The following TNFRSF13B variants were observed in gnomAD, a reference collection of about 807,000 sequenced individuals.
TNFRSF13B encodes the protein TNF receptor superfamily member 13B.
In TNFRSF13B, 34 loss-of-function variants were observed where a neutral mutation model predicts 24.0. That is an observed-to-expected ratio of 1.41 (90% CI 1.08 to 1.88). TNFRSF13B has a LOEUF of 1.88. Ranked by LOEUF, TNFRSF13B falls within the 40% of genes most tolerant of loss-of-function variation. The probability of loss-of-function intolerance (pLI) is 0.00; values close to 1 mark genes in which losing one functional copy is unlikely to be tolerated. For synonymous variants in TNFRSF13B, 173 were observed against 150.3 expected (o/e 1.15, Z -1.10); for missense variants, 415 against 380.8 (o/e 1.09, Z -0.75).
chr17:16,956,517 G>A (rs760558528), intron 1 of TNFRSF13B, among the ~76,000 whole-genome samples: 1 of 152,182 alleles, frequency 6.6e-6, no homozygotes, highest in Non-Finnish European at 1.5e-5. Context: ...AACCGACAGA[G>A]AACTAAAGGA....
chr17:16,970,838 A>G (rs1421716363), intron 1 of TNFRSF13B, among the ~76,000 whole-genome samples: 3 of 152,166 alleles, frequency 2.0e-5, no homozygotes, highest in Non-Finnish European at 4.4e-5. Flanking sequence ...GAAACTTTAC[A>G]TATTTGAGCC....
chr17:16,945,528 G>C (rs1471595516), intron 3 of TNFRSF13B, among the ~76,000 whole-genome samples: 1 of 152,224 alleles, frequency 6.6e-6, no homozygotes, highest in African/African-American at 2.4e-5. Context: ...CTAGATCTGT[G>C]AGGTGGCTAG....
intron 1 of TNFRSF13B, among the ~76,000 whole-genome samples, chr17:16,969,087 T>A (rs921360553): frequency 6.6e-6 from 1 of 152,240 alleles, no homozygotes; most frequent in African/African-American, 2.4e-5. Flanking sequence ...GGAACCCTCA[T>A]GCATGAAGTG....
At chr17:16,945,360 A>G (rs767191079) in intron 3 of TNFRSF13B, among the ~76,000 whole-genome samples, 11 of 152,140 alleles carry the variant, frequency 7.2e-5, no homozygotes, top group Non-Finnish European at 1.3e-4. Flanking sequence ...GCAACAGTTC[A>G]CCGCCAAGGA....
At chr17:16,940,593 C>A in intron 3 of TNFRSF13B, 82 bp from the exon 4 acceptor site, 3 of 1,548,238 alleles carry the variant, frequency 1.9e-6, no homozygotes, top group South Asian at 2.4e-5. Flanking sequence ...ATCCCCCCAT[C>A]CCCCTGCTGT....
chr17:16,962,567 T>C (rs986998386), intron 1 of TNFRSF13B, among the ~76,000 whole-genome samples: 1 of 151,458 alleles, frequency 6.6e-6, no homozygotes, highest in Non-Finnish European at 1.5e-5. Flanking sequence ...TCATAGGACA[T>C]GTACAGCAGC....
At chr17:16,946,703 T>C (rs916834925) in intron 3 of TNFRSF13B, among the ~76,000 whole-genome samples, 30 of 152,138 alleles carry the variant, frequency 2.0e-4, no homozygotes, top group African/African-American at 7.2e-4. Flanking sequence ...TTCTCCTGCC[T>C]CAGCCTCCCA....
intron 4 of TNFRSF13B, 55 bp downstream of exon 4, chr17:16,940,271 G>A (rs558214897): frequency 5.0e-6 from 8 of 1,611,694 alleles, no homozygotes; most frequent in African/African-American, 4.0e-5. Context: ...GGGATGGCCC[G>A]AGGCTTGTCA....
chr17:16,957,420 T>C (rs1597665021), intron 1 of TNFRSF13B, among the ~76,000 whole-genome samples: 1 of 151,690 alleles, frequency 6.6e-6, no homozygotes, highest in South Asian at 2.1e-4. Flanking sequence ...AGGGACAAAA[T>C]GGCAGAAAAA....
intron 3 of TNFRSF13B, chr17:16,941,282 C>G (rs1465235835): frequency 1.0e-6 from 1 of 987,678 alleles, no homozygotes; most frequent in African/African-American, 1.7e-5. Context: ...GGCGACGTTA[C>G]ACTGAGACCA....
At chr17:16,947,830 A>G (rs1315000764) in intron 3 of TNFRSF13B, among the ~76,000 whole-genome samples, 1 of 152,270 alleles carries the variant, frequency 6.6e-6, no homozygotes, top group Non-Finnish European at 1.5e-5. Context: ...CGTTCAGCAC[A>G]GCAATCCCAT....
chr17:16,971,589 C>T (rs776758607), intron 1 of TNFRSF13B, among the ~76,000 whole-genome samples: 1 of 152,118 alleles, frequency 6.6e-6, no homozygotes, highest in Non-Finnish European at 1.5e-5. Context: ...GTTGTTTCAG[C>T]AGGGGTGAAG....
intron 1 of TNFRSF13B, among the ~76,000 whole-genome samples, chr17:16,967,769 A>AAAAAAAAAG (rs2087713568): frequency 6.8e-6 from 1 of 146,864 alleles, no homozygotes; most frequent in African/African-American, 2.5e-5. Context: ...AAAAAAAAAA[A>AAAAAAAAAG]AAAGAAAGAA....
intron 1 of TNFRSF13B, among the ~76,000 whole-genome samples, chr17:16,963,864 T>A (rs1567656147): frequency 1.3e-5 from 2 of 152,172 alleles, no homozygotes; most frequent in Admixed American, 6.5e-5. Context: ...TCATCCAGTC[T>A]TTCAAGCAAA....
intron 3 of TNFRSF13B, among the ~76,000 whole-genome samples, chr17:16,945,138 C>T (rs991383090): frequency 2.0e-5 from 3 of 152,228 alleles, no homozygotes; most frequent in South Asian, 2.1e-4. Flanking sequence ...CCAAAAGCCG[C>T]GCCATGGCAC....
intron 1 of TNFRSF13B, among the ~76,000 whole-genome samples, chr17:16,964,146 CAG>C (rs1355892024): frequency 6.6e-6 from 1 of 151,746 alleles, no homozygotes; most frequent in East Asian, 1.9e-4. Flanking sequence ...ATGAGGAAGA[CAG>C]GGAAGAGAAG....
intron 1 of TNFRSF13B, among the ~76,000 whole-genome samples, chr17:16,954,503 T>G (rs897270127): frequency 6.6e-5 from 10 of 152,198 alleles, no homozygotes; most frequent in African/African-American, 2.4e-4. Context: ...CCATCTATCT[T>G]CAGAGATCAA....
At chr17:16,968,827 T>C (rs1477952355) in intron 1 of TNFRSF13B, among the ~76,000 whole-genome samples, 2 of 152,236 alleles carry the variant, frequency 1.3e-5, no homozygotes, top group East Asian at 3.8e-4. Context: ...ATCCAAAATA[T>C]ATAAAGAATG....
intron 1 of TNFRSF13B, among the ~76,000 whole-genome samples, chr17:16,958,063 G>C (rs1168610293): frequency 6.6e-6 from 1 of 152,034 alleles, no homozygotes; most frequent in Non-Finnish European, 1.5e-5. Context: ...AGTGGTCATA[G>C]AGTGTACAAA....
Sources: gnomAD v4.1 joint callset for allele counts (sites outside exome capture counted in the v4.1 genomes callset) on GRCh38, gnomAD v4.1.1 for gene constraint, MANE v1.5 for transcripts, NCBI Gene and HGNC (gene_info 2026-07-23, HGNC 2026-07-21) for gene names.